Variants in PTGFRN observed in about 807,000 individuals in gnomAD.
PTGFRN encodes prostaglandin F2 receptor negative regulator.
In PTGFRN, 35 loss-of-function variants were observed where a neutral mutation model predicts 83.2. The ratio of observed to expected loss-of-function variants is 0.42; its 90% CI spans 0.32 to 0.56. PTGFRN has a LOEUF of 0.56. PTGFRN is among the 20% of genes least tolerant of loss of function. The pLI is 0.11. For missense variants in PTGFRN, 1,051 were observed against 1,179.5 expected, an observed-to-expected ratio of 0.89 and a Z score of 1.60; for synonymous variants, 519 against 498.6, an observed-to-expected ratio of 1.04 and a Z score of -0.55.
chr1:116,966,260 AG>A (rs1650827881), intron 5 of PTGFRN, among the ~76,000 whole-genome samples: 8 of 152,290 alleles, frequency 5.3e-5, no homozygotes, highest in Non-Finnish European at 8.8e-5. Context: ...GCGTAGCCAT[AG>A]ACACCTCTCA....
intron 1 of PTGFRN, among the ~76,000 whole-genome samples, chr1:116,915,680 A>G (rs1010830242): frequency 6.6e-6 from 1 of 152,156 alleles, no homozygotes; most frequent in Non-Finnish European, 1.5e-5. Context: ...CGTAGATTGA[A>G]TGTACATTTT....
chr1:116,910,923 T>C (rs1287940489), intron 1 of PTGFRN, among the ~76,000 whole-genome samples: 8 of 152,168 alleles, frequency 5.3e-5, no homozygotes, highest in African/African-American at 1.9e-4. Flanking sequence ...GCCTGGCTTC[T>C]CCAACTTTTT....
rs928408394 is a variant in PTGFRN at position 116,987,813 on chromosome 1, T to C, written c.*846T>C. 2 of 152,664 alleles carry C rather than the reference T, an allele frequency of 1.3e-5. No homozygotes were observed. Among genetic ancestry groups the C allele is most frequent in the Non-Finnish European group, 2.9e-5 (2 of 68,108 alleles). 9.5% of individuals were successfully genotyped at this position (152,664 alleles called of 1,614,324 possible). A position where few individuals can be genotyped will look rare whatever the true frequency, so the allele number is the denominator to read the frequency against. ...GACAAGGAAAGGATCAGATACCTGC[T>C]CCAGTAGTTGTGAGGCCACTGTGTC... is the stretch of plus-strand genomic sequence containing the variant. On this transcript the variant is annotated 3_prime_UTR_variant, in exon 9 of 9. Transcript: ENST00000393203.
intron 1 of PTGFRN, 104 bp downstream of exon 1, chr1:116,910,356 CG>C: frequency 1.9e-6 from 2 of 1,066,916 alleles, no homozygotes; most frequent in Non-Finnish European, 2.4e-6. Flanking sequence ...CGAGGGTGCC[CG>C]GGCTGCTCCC....
At position 116,944,754 on chromosome 1, in the gene PTGFRN, T is replaced by C; in HGVS notation, c.494T>C (p.Phe165Ser). 6.6e-7 allele frequency: 1 copy of C among 1,504,884 alleles called. No individual in the cohort carries two copies. Among genetic ancestry groups the C allele is most frequent in the Non-Finnish European group, 8.8e-7 (1 of 1,133,494 alleles). 93.2% of individuals were successfully genotyped at this position (1,504,884 alleles called of 1,614,324 possible). Reference protein sequence around the residue: ...PSLSLREGEPFELRCTAASAS... With the variant: ...PSLSLREGEPSELRCTAASAS... ...CTGAGCCTGCGGGAGGGGGAGCCCTTCGAGCTGCGCTGCACCGCCGCCTCC... is the reference window on the plus strand; with the variant it reads ...CTGAGCCTGCGGGAGGGGGAGCCCTCCGAGCTGCGCTGCACCGCCGCCTCC... Residue 165 changes from phenylalanine to serine, a missense_variant, in exon 3 of 9, where the codon TTC becomes TCC. Physicochemically the swap from Phe to Ser is radical, Grantham distance 155 (BLOSUM62 -2). Around this residue, in one of 3 missense-constraint regions of PTGFRN, gnomAD observed 205 missense variants for 174.5 expected, o/e 1.17. Coordinates refer to ENST00000393203, the MANE Select transcript of PTGFRN (RefSeq NM_020440.4).
chr1:116,971,727 C>G (rs1650999458), intron 6 of PTGFRN, among the ~76,000 whole-genome samples: 1 of 152,158 alleles, frequency 6.6e-6, no homozygotes, highest in Non-Finnish European at 1.5e-5. Flanking sequence ...TCTGTTGATT[C>G]CCACGTCCAG....
In PTGFRN at chr1:116,987,104, C is replaced by G; in HGVS notation, c.*137C>G. 1 of 996,604 alleles carries G rather than the reference C, an allele frequency of 1.0e-6. No individual in the cohort carries two copies. Among genetic ancestry groups the G allele is most frequent in the South Asian group, 1.6e-5 (1 of 61,840 alleles). The allele number at this position is 996,604 out of a possible 1,614,324, so 61.7% of individuals were successfully genotyped here. The stretch of plus-strand genomic sequence containing the variant: ...TCTCAGGTGGGACTTGGCGCTCTCT[C>G]TTTTCTGCATGTCAAGTTCTGAGCG... On this transcript the variant is annotated 3_prime_UTR_variant, in exon 9 of 9. Coordinates refer to ENST00000393203, the MANE Select transcript of PTGFRN (RefSeq NM_020440.4).
At position 116,990,149 on chromosome 1, in the gene PTGFRN, A is replaced by G. The variant is rs755012376; in HGVS notation, c.*3182A>G. 2 of 152,670 alleles carry G rather than the reference A, an allele frequency of 1.3e-5. No individual in the cohort carries two copies. The highest frequency in any genetic ancestry group is 1.5e-5 in the Non-Finnish European group (1 of 68,048). The allele number at this position is 152,670 out of a possible 1,614,324, so 9.5% of individuals were successfully genotyped here. A position where few individuals can be genotyped will look rare whatever the true frequency, so the allele number is the denominator to read the frequency against. On this transcript the variant is annotated 3_prime_UTR_variant, in exon 9 of 9. Coordinates refer to ENST00000393203, the MANE Select transcript of PTGFRN (RefSeq NM_020440.4). Reference sequence around the variant, plus strand: ...TTCTCAGTGATAAATATGTGTGCAGATCCCTAGAAGAGAAAACGCTGACTT... The same window carrying G: ...TTCTCAGTGATAAATATGTGTGCAGGTCCCTAGAAGAGAAAACGCTGACTT...
intron 1 of PTGFRN, among the ~76,000 whole-genome samples, chr1:116,933,312 T>A (rs1249335473): frequency 6.6e-6 from 1 of 152,192 alleles, no homozygotes; most frequent in East Asian, 1.9e-4. Context: ...CACGTATCAG[T>A]GATCTGTTAG....
chr1:116,950,380 C>T (rs1022909956), intron 4 of PTGFRN, among the ~76,000 whole-genome samples: 1 of 152,158 alleles, frequency 6.6e-6, no homozygotes, highest in Non-Finnish European at 1.5e-5. Flanking sequence ...AGCTTCGCTC[C>T]CCACCTCCAT....
intron 1 of PTGFRN, among the ~76,000 whole-genome samples, chr1:116,920,578 G>C (rs1377829595): frequency 6.6e-6 from 1 of 152,158 alleles, no homozygotes; most frequent in African/African-American, 2.4e-5. Context: ...TATAAATATT[G>C]CTACTACTTT....
chr1:116,965,659 C>T (rs1270195950), intron 5 of PTGFRN, among the ~76,000 whole-genome samples: 3 of 152,176 alleles, frequency 2.0e-5, no homozygotes, highest in African/African-American at 7.2e-5. Context: ...GGCACACACA[C>T]CTTCCTTCCA....
chr1:116,966,511 A>G (rs907427850), intron 5 of PTGFRN, among the ~76,000 whole-genome samples: 1 of 152,246 alleles, frequency 6.6e-6, no homozygotes, highest in African/African-American at 2.4e-5. Flanking sequence ...TGGTATGGCC[A>G]GGAGCCTGGC....
chr1:116,935,694 C>G (rs1649903271), intron 1 of PTGFRN, among the ~76,000 whole-genome samples: 1 of 152,096 alleles, frequency 6.6e-6, no homozygotes, highest in Non-Finnish European at 1.5e-5. Context: ...CTTATTTTGT[C>G]TTGGGTATCA....
intron 1 of PTGFRN, among the ~76,000 whole-genome samples, chr1:116,914,060 G>A (rs1188187693): frequency 6.6e-6 from 1 of 152,218 alleles, no homozygotes; most frequent in Non-Finnish European, 1.5e-5. Flanking sequence ...TCAGACAATA[G>A]ATGTGTCTTA....
At chr1:116,986,168 C>G (rs1039719877) in intron 8 of PTGFRN, among the ~76,000 whole-genome samples, 2 of 136,824 alleles carry the variant, frequency 1.5e-5, no homozygotes, top group Non-Finnish European at 3.1e-5. Flanking sequence ...AGCCCAGTGG[C>G]AGCGTCCACC....
chr1:116,949,321 C>G lies in PTGFRN; in HGVS notation c.962C>G (p.Pro321Arg), dbSNP rs1650276911. ...PEVTWSFSRM[P>R]DSTLPGSRVL... ...GTGACGTGGTCCTTCAGCAGGATGCCTGACAGCACCCTACCTGGCTCCCGC... is the reference window on the plus strand; with the variant it reads ...GTGACGTGGTCCTTCAGCAGGATGCGTGACAGCACCCTACCTGGCTCCCGC... Residue 321 changes from proline to arginine, a missense_variant, in exon 4 of 9, where the codon CCT becomes CGT. Coordinates refer to ENST00000393203, the MANE Select transcript of PTGFRN (RefSeq NM_020440.4). 2 of 1,614,146 alleles carry G rather than the reference C, an allele frequency of 1.2e-6. No homozygotes were observed. Among genetic ancestry groups the G allele is most frequent in the African/African-American group, 1.3e-5 (1 of 74,940 alleles).
chr1:116,947,662 A>G (rs1353740346), intron 3 of PTGFRN, among the ~76,000 whole-genome samples: 3 of 152,190 alleles, frequency 2.0e-5, no homozygotes, highest in Admixed American at 6.5e-5. Context: ...CTCCCTCCTG[A>G]GTCGTCTTTT....
chr1:116,961,535 C>T lies in PTGFRN; in HGVS notation c.1506C>T (p.Ile502=), dbSNP rs1300000665. The part of the protein sequence containing the change: ...KEHTDTFNFR[I]QRTTEEDRGN... ...ATACAGACACGTTCAATTTCCGGAT[C>T]CAAAGGACTACAGAGGAAGACAGAG... Residue 502 remains isoleucine, a synonymous_variant, in exon 5 of 9, where the codon ATC becomes ATT. Transcript: ENST00000393203. This position sits in a 1 kb window ranked among gnomAD's most constrained non-coding sequence, Gnocchi z 5.4. 6.2e-7 allele frequency: 1 copy of T among 1,613,970 alleles called. No homozygotes were observed. Among genetic ancestry groups the T allele is most frequent in the African/African-American group, 1.3e-5 (1 of 74,868 alleles).
Sources: allele counts gnomAD v4.1 joint callset (sites outside exome capture counted in the v4.1 genomes callset), GRCh38; gene constraint gnomAD v4.1.1; regional missense constraint gnomAD v4.1.1; non-coding constraint Gnocchi (gnomAD v3.1); transcripts MANE v1.5; gene names NCBI Gene and HGNC (gene_info 2026-07-23, HGNC 2026-07-21).